The following CACNA2D3 variants were observed in gnomAD, a reference collection of about 807,000 sequenced individuals.
CACNA2D3 encodes voltage-dependent calcium channel subunit alpha-2/delta-3.
Under a neutral mutation model 160.6 loss-of-function variants are expected in CACNA2D3, and 60 were observed. The observed-to-expected ratio is 0.37, with a 90% CI of 0.30 to 0.46. CACNA2D3 has a LOEUF of 0.46. CACNA2D3 is among the 20% of genes least tolerant of loss of function. The pLI is 1.00. For missense variants in CACNA2D3, 1,205 were observed against 1,365.0 expected, an observed-to-expected ratio of 0.88 and a Z score of 1.85; for synonymous variants, 558 against 492.9, an observed-to-expected ratio of 1.13 and a Z score of -1.75.
chr3:54,424,537 A>G (rs1429851062), intron 4 of CACNA2D3, among the ~76,000 whole-genome samples: 1 of 152,138 alleles, frequency 6.6e-6, no homozygotes, highest in African/African-American at 2.4e-5. Flanking sequence ...GCTTTACTAC[A>G]TGACTCCTGG....
intron 11 of CACNA2D3, among the ~76,000 whole-genome samples, chr3:54,739,375 C>A (rs1701595531): frequency 6.7e-6 from 1 of 149,572 alleles, no homozygotes; most frequent in Non-Finnish European, 1.5e-5. Flanking sequence ...AGCCAGGATC[C>A]CACCACTGCA....
intron 4 of CACNA2D3, among the ~76,000 whole-genome samples, chr3:54,495,860 T>C (rs1348753522): frequency 6.6e-6 from 1 of 152,232 alleles, no homozygotes; most frequent in African/African-American, 2.4e-5. Flanking sequence ...CTGAGTGCCA[T>C]CACTATTGAA....
intron 13 of CACNA2D3, among the ~76,000 whole-genome samples, chr3:54,780,741 G>C (rs1464437098): frequency 1.3e-5 from 2 of 152,212 alleles, no homozygotes; most frequent in African/African-American, 4.8e-5. Flanking sequence ...TAGAATGGTA[G>C]TGAGTTTCCT....
chr3:54,393,012 T>C (rs574642056), intron 4 of CACNA2D3, among the ~76,000 whole-genome samples: 1 of 152,254 alleles, frequency 6.6e-6, no homozygotes, highest in East Asian at 1.9e-4. Flanking sequence ...CTGCTGGATT[T>C]TGATGAAAAT....
chr3:54,993,573 G>T (rs1214318174), intron 31 of CACNA2D3, among the ~76,000 whole-genome samples: 1 of 152,132 alleles, frequency 6.6e-6, no homozygotes, highest in Non-Finnish European at 1.5e-5. Context: ...CAAAAAACAG[G>T]TAAAGAAAGA....
At chr3:54,463,527 T>C (rs1255974489) in intron 4 of CACNA2D3, among the ~76,000 whole-genome samples, 1 of 152,220 alleles carries the variant, frequency 6.6e-6, no homozygotes, top group East Asian at 1.9e-4. Flanking sequence ...ATTCATTTCA[T>C]CTTCCATCAC....
chr3:54,189,752 A>T (rs1390959482), intron 2 of CACNA2D3, among the ~76,000 whole-genome samples: 2 of 152,198 alleles, frequency 1.3e-5, no homozygotes, highest in African/African-American at 2.4e-5. Context: ...GCCTGATCTC[A>T]GCAGTCAGAT....
chr3:54,200,029 T>C (rs1277175255), intron 2 of CACNA2D3, among the ~76,000 whole-genome samples: 3 of 152,212 alleles, frequency 2.0e-5, no homozygotes, highest in Admixed American at 6.5e-5. Context: ...GGGATGGAGA[T>C]TGGCCTACAA....
chr3:54,512,818 A>T (rs1375968257), intron 5 of CACNA2D3, among the ~76,000 whole-genome samples: 1 of 152,214 alleles, frequency 6.6e-6, no homozygotes, highest in African/African-American at 2.4e-5. Flanking sequence ...CATACTGCTG[A>T]TAAAGACATA....
intron 14 of CACNA2D3, among the ~76,000 whole-genome samples, chr3:54,819,863 A>G (rs192613747): frequency 2.8e-4 from 43 of 152,226 alleles, no homozygotes; most frequent in Middle Eastern, 6.8e-3. Flanking sequence ...ACACACACAC[A>G]CAAAACCTGT....
chr3:54,944,816 T>G lies in CACNA2D3; in HGVS notation c.2450-23634T>G, dbSNP rs566217217. ...TATTGACTGTAGTTAGAGCTGGGGG[T>G]GTGTGTGTGTGTGTGTGTGTGTGTG... On this transcript the variant is annotated intron_variant, in intron 27 of 37. Coordinates refer to ENST00000474759, the MANE Select transcript of CACNA2D3 (RefSeq NM_018398.3). 8.7e-3 allele frequency among the ~76,000 whole-genome samples: 818 copies of G among 93,882 alleles called. 3 individuals are homozygous for G. Among genetic ancestry groups the G allele is most frequent in the African/African-American group, 0.018 (258 of 14,034 alleles). The allele number at this position is 93,882 out of a possible 152,430, so 61.6% of individuals were successfully genotyped here.
chr3:54,315,414 G>A (rs544859041), intron 2 of CACNA2D3, among the ~76,000 whole-genome samples: 1 of 152,130 alleles, frequency 6.6e-6, no homozygotes, highest in Non-Finnish European at 1.5e-5. Context: ...TCCTGGTTTT[G>A]GTATTTGCCT....
At chr3:54,277,305 T>C (rs1702770142) in intron 2 of CACNA2D3, among the ~76,000 whole-genome samples, 1 of 152,266 alleles carries the variant, frequency 6.6e-6, no homozygotes, top group South Asian at 2.1e-4. Flanking sequence ...AATTTTTGTA[T>C]ACGATGTCAC....
In CACNA2D3 at chr3:54,786,028, T is replaced by G. The variant is rs73061753; in HGVS notation, c.1380+21677T>G. On this transcript the variant is annotated intron_variant, in intron 13 of 37. Transcript: ENST00000474759. ...CAGCCACCCTCTGCCATCATGGTCC[T>G]TTCTTGTTTCCTGGCTAACACTTAC... Among the ~76,000 whole-genome samples, 309 of 152,302 alleles carry G rather than the reference T, an allele frequency of 2.0e-3. 3 individuals are homozygous for G. The highest frequency in any genetic ancestry group is 3.7e-3 in the Non-Finnish European group (249 of 68,022).
intron 31 of CACNA2D3, among the ~76,000 whole-genome samples, chr3:54,989,138 C>A (rs982907525): frequency 1.3e-5 from 2 of 152,208 alleles, no homozygotes; most frequent in African/African-American, 4.8e-5. Context: ...ATGTTAACTT[C>A]TTTTCAACTT....
chr3:54,506,282 G>C (rs143914801), intron 5 of CACNA2D3, among the ~76,000 whole-genome samples: 27 of 152,266 alleles, frequency 1.8e-4, no homozygotes, highest in Admixed American at 1.3e-3. Flanking sequence ...TCAGAGATTG[G>C]TCACTGGCTG....
chr3:54,225,933 A>T (rs1701662200), intron 2 of CACNA2D3, among the ~76,000 whole-genome samples: 1 of 152,060 alleles, frequency 6.6e-6, no homozygotes, highest in Admixed American at 6.5e-5. Flanking sequence ...TGAGACTAGG[A>T]GCAGTGAGTT....
At chr3:54,755,907 T>G (rs1227792745) in intron 12 of CACNA2D3, among the ~76,000 whole-genome samples, 1 of 152,180 alleles carries the variant, frequency 6.6e-6, no homozygotes, top group Non-Finnish European at 1.5e-5. Context: ...GGTTATTGTT[T>G]TTACCACTGT....
At chr3:54,320,273 T>C (rs186608148) in intron 2 of CACNA2D3, among the ~76,000 whole-genome samples, 169 bp from the exon 3 acceptor site, 110 of 152,344 alleles carry the variant, frequency 7.2e-4, no homozygotes, top group Non-Finnish European at 1.3e-3. Context: ...TGCTTCTCCC[T>C]AGTTGGCTTA....
Sources: allele counts gnomAD v4.1 joint callset (sites outside exome capture counted in the v4.1 genomes callset), GRCh38; gene constraint gnomAD v4.1.1; transcripts MANE v1.5; gene names NCBI Gene and HGNC (gene_info 2026-07-23, HGNC 2026-07-21).